Variants in ADARB2 observed in about 807,000 individuals in gnomAD.
The protein encoded by ADARB2 is inactive double-stranded RNA-specific editase B2.
In ADARB2, 25 loss-of-function variants were observed where a neutral mutation model predicts 62.2. The observed-to-expected ratio is 0.40, with a 90% CI of 0.29 to 0.56. ADARB2 has a LOEUF of 0.56. Ranked by LOEUF, ADARB2 falls within the 20% of genes least tolerant of loss-of-function variation. The pLI is 0.43. For missense variants in ADARB2, 1,071 were observed against 1,077.4 expected (o/e 0.99, Z 0.08); for synonymous variants, 572 against 500.8 (o/e 1.14, Z -1.90).
At chr10:1,615,577 G>C (rs12049791) in intron 1 of ADARB2, among the ~76,000 whole-genome samples, 51,766 of 152,182 alleles carry the variant, frequency 0.34, 9,258 homozygotes, top group East Asian at 0.57. Flanking sequence ...AGAACGCACA[G>C]ACTCGAATGG....
intron 1 of ADARB2, among the ~76,000 whole-genome samples, chr10:1,714,991 A>G (rs987515662): frequency 7.0e-6 from 1 of 142,122 alleles, no homozygotes; most frequent in Non-Finnish European, 1.5e-5. Flanking sequence ...TCCTAATGCT[A>G]TCCCTCCCCC....
At chr10:1,736,667 G>A (rs1835305980) in intron 1 of ADARB2, among the ~76,000 whole-genome samples, 1 of 152,158 alleles carries the variant, frequency 6.6e-6, no homozygotes, top group Non-Finnish European at 1.5e-5. Flanking sequence ...TCGTTCCCCC[G>A]TTTTTGGGTA....
At chr10:1,202,811 T>C (rs1056603094) in intron 7 of ADARB2, among the ~76,000 whole-genome samples, 5 of 152,166 alleles carry the variant, frequency 3.3e-5, no homozygotes, top group Admixed American at 6.5e-5. Flanking sequence ...AAAAGTAAAA[T>C]TGGGATTCCT....
At chr10:1,219,948 ATGG>A (rs1830670002) in intron 6 of ADARB2, among the ~76,000 whole-genome samples, 2 of 113,822 alleles carry the variant, frequency 1.8e-5, no homozygotes, top group African/African-American at 7.1e-5. Flanking sequence ...GGTGGTGATA[ATGG>A]TGATGGTGGT....
intron 1 of ADARB2, among the ~76,000 whole-genome samples, chr10:1,631,532 A>T (rs1012076313): frequency 7.2e-5 from 11 of 151,948 alleles, no homozygotes; most frequent in Non-Finnish European, 1.6e-4. Flanking sequence ...TGCTTCCGTC[A>T]CTCTTTGATG....
At chr10:1,418,491 G>C (rs1375895171) in intron 1 of ADARB2, among the ~76,000 whole-genome samples, 1 of 152,218 alleles carries the variant, frequency 6.6e-6, no homozygotes, top group African/African-American at 2.4e-5. Context: ...GAGAAGCTCT[G>C]ATACTCAAAT....
chr10:1,729,714 A>G (rs1835209251), intron 1 of ADARB2, among the ~76,000 whole-genome samples: 1 of 152,224 alleles, frequency 6.6e-6, no homozygotes, highest in African/African-American at 2.4e-5. Flanking sequence ...CCTGCTTCTT[A>G]GCAACAGTAA....
Position 1,653,165 on chromosome 10 carries a change from G to A in ADARB2, c.100+83886C>T, listed in dbSNP as rs186121504. ...AGGTGACTTGCACGAGGGTGTCAGC[G>A]TCCAGGGGAAATATGGGGCTGCTGC... On this transcript the variant is annotated intron_variant, in intron 1 of 9. Coordinates refer to ENST00000381312, the MANE Select transcript of ADARB2 (RefSeq NM_018702.4). Among the ~76,000 whole-genome samples the A allele has an allele frequency of 3.1e-3, 469 of 152,324 alleles. 2 individuals carry two copies. Among genetic ancestry groups the A allele is most frequent in the African/African-American group, 9.5e-3 (393 of 41,576 alleles).
intron 4 of ADARB2, among the ~76,000 whole-genome samples, chr10:1,250,454 G>T (rs956428453): frequency 6.6e-6 from 1 of 152,144 alleles, no homozygotes; most frequent in African/African-American, 2.4e-5. Context: ...GTGAGAGTTG[G>T]CTGTAATGAA....
intron 2 of ADARB2, among the ~76,000 whole-genome samples, chr10:1,378,778 G>A (rs908683894): frequency 6.6e-6 from 1 of 152,204 alleles, no homozygotes; most frequent in South Asian, 2.1e-4. Context: ...TAGGACTCCA[G>A]GTAAGGATAG....
chr10:1,226,036 T>G (rs1335705616), intron 6 of ADARB2, among the ~76,000 whole-genome samples: 2 of 152,230 alleles, frequency 1.3e-5, no homozygotes, highest in Non-Finnish European at 1.5e-5. Context: ...CCCCATCACT[T>G]TCAGGTACAC....
chr10:1,326,396 TG>T, intron 3 of ADARB2, among the ~76,000 whole-genome samples: 1 of 152,274 alleles, frequency 6.6e-6, no homozygotes, highest in Non-Finnish European at 1.5e-5. Context: ...AACCATTCTG[TG>T]ACGTGGGCAA....
chr10:1,189,939 C>T (rs533941877), intron 8 of ADARB2, among the ~76,000 whole-genome samples: 2 of 151,942 alleles, frequency 1.3e-5, no homozygotes, highest in East Asian at 3.9e-4. Context: ...CCCCCGAACA[C>T]GTGGCGCTAC....
intron 1 of ADARB2, among the ~76,000 whole-genome samples, chr10:1,589,673 A>T (rs1039822235): frequency 1.3e-5 from 2 of 151,762 alleles, no homozygotes; most frequent in Non-Finnish European, 2.9e-5. Flanking sequence ...GGAGGTTTTT[A>T]TTTTTATTTT....
chr10:1,572,602 A>C (rs73588208), intron 1 of ADARB2, among the ~76,000 whole-genome samples: 3,743 of 152,116 alleles, frequency 0.025, 165 homozygotes, highest in African/African-American at 0.079. Context: ...TGCTGGGCTG[A>C]GTACTGACTG....
chr10:1,560,732 G>A (rs1343288972), intron 1 of ADARB2, among the ~76,000 whole-genome samples: 3 of 152,198 alleles, frequency 2.0e-5, no homozygotes, highest in Non-Finnish European at 4.4e-5. Flanking sequence ...GTCAGGAGCC[G>A]AGGATGTCGG....
chr10:1,546,189 T>C (rs1564325277), intron 1 of ADARB2, among the ~76,000 whole-genome samples: 1 of 152,196 alleles, frequency 6.6e-6, no homozygotes, highest in Non-Finnish European at 1.5e-5. Context: ...ATTTCTTCCC[T>C]GCTACGTGAA....
chr10:1,183,471 C>T, intron 9 of ADARB2, 102 bp from the exon 10 acceptor site: 1 of 1,411,176 alleles, frequency 7.1e-7, no homozygotes, highest in Non-Finnish European at 9.6e-7. Context: ...CCTTGGCCTT[C>T]TGCCTTTCTT....
intron 1 of ADARB2, among the ~76,000 whole-genome samples, chr10:1,427,346 CT>C (rs1832900980): frequency 6.6e-6 from 1 of 152,086 alleles, no homozygotes; most frequent in South Asian, 2.1e-4. Flanking sequence ...GGACTTATGT[CT>C]AAAAAAATAT....
Sources: allele counts gnomAD v4.1 joint callset (sites outside exome capture counted in the v4.1 genomes callset), GRCh38; gene constraint gnomAD v4.1.1; transcripts MANE v1.5; gene names NCBI Gene and HGNC (gene_info 2026-07-23, HGNC 2026-07-21).